Variants in CADM2 observed in about 807,000 individuals in gnomAD.
The protein encoded by CADM2 is cell adhesion molecule 2.
CADM2 carries 12 observed loss-of-function variants against 49.8 expected under a neutral mutation model. The observed-to-expected ratio is 0.24, with a 90% confidence interval of 0.15 to 0.39. The LOEUF (loss-of-function observed/expected upper bound fraction) is 0.39. Ranked by LOEUF, CADM2 falls within the 10% of genes least tolerant of loss-of-function variation. The probability of loss-of-function intolerance (pLI) is 1.00; values close to 1 mark genes in which losing one functional copy is unlikely to be tolerated. For synonymous variants in CADM2, 214 were observed against 175.4 expected (o/e 1.22, Z -1.74); for missense variants, 378 against 492.3 (o/e 0.77, Z 2.20).
At chr3:85,277,448 T>A (rs917206725) in intron 1 of CADM2, among the ~76,000 whole-genome samples, 1 of 151,446 alleles carries the variant, frequency 6.6e-6, no homozygotes, top group Non-Finnish European at 1.5e-5. Context: ...ACTTATATAA[T>A]ACCCAGCCAG....
At chr3:84,963,237 G>A (rs775440634) in intron 1 of CADM2, among the ~76,000 whole-genome samples, 6 of 152,134 alleles carry the variant, frequency 3.9e-5, no homozygotes, top group Non-Finnish European at 7.4e-5. Flanking sequence ...ACACATTACA[G>A]AAATGAATTT....
chr3:85,117,967 T>A (rs754529574), intron 1 of CADM2, among the ~76,000 whole-genome samples: 5 of 152,172 alleles, frequency 3.3e-5, no homozygotes, highest in Non-Finnish European at 7.3e-5. Context: ...CTCAACTTTG[T>A]TTCCCATGCG....
At chr3:85,900,802 C>CA (rs1178973924) in intron 5 of CADM2, among the ~76,000 whole-genome samples, 3 of 151,978 alleles carry the variant, frequency 2.0e-5, no homozygotes, top group African/African-American at 4.8e-5. Flanking sequence ...AGGTTATTTC[C>CA]AAAAAATATT....
At chr3:85,448,675 A>T (rs1329676222) in intron 1 of CADM2, among the ~76,000 whole-genome samples, 1 of 152,034 alleles carries the variant, frequency 6.6e-6, no homozygotes, top group Non-Finnish European at 1.5e-5. Flanking sequence ...GACTTTGACA[A>T]AGTTACTTAA....
chr3:85,954,361 A>G (rs1723793046), intron 7 of CADM2, among the ~76,000 whole-genome samples: 1 of 151,194 alleles, frequency 6.6e-6, no homozygotes, highest in Non-Finnish European at 1.5e-5. Context: ...TGTAATGATC[A>G]CTGCAATAAA....
intron 1 of CADM2, among the ~76,000 whole-genome samples, chr3:85,499,552 GTAT>G (rs879422931): frequency 2.0e-4 from 31 of 151,250 alleles, no homozygotes; most frequent in South Asian, 4.2e-4. Flanking sequence ...TAATATTAAT[GTAT>G]TATTAAATAA....
At chr3:85,845,875 G>C (rs958908334) in intron 3 of CADM2, among the ~76,000 whole-genome samples, 1 of 152,128 alleles carries the variant, frequency 6.6e-6, no homozygotes, top group Non-Finnish European at 1.5e-5. Flanking sequence ...GGGAAGCTTT[G>C]GTGGTGGTGG....
intron 5 of CADM2, among the ~76,000 whole-genome samples, chr3:85,903,021 T>A (rs1716325678): frequency 6.6e-6 from 1 of 152,086 alleles, no homozygotes; most frequent in African/African-American, 2.4e-5. Context: ...TGTTTTTAAT[T>A]CTCCTAATTT....
intron 7 of CADM2, among the ~76,000 whole-genome samples, chr3:85,946,022 A>C (rs1722645955): frequency 6.6e-6 from 1 of 152,158 alleles, no homozygotes; most frequent in African/African-American, 2.4e-5. Flanking sequence ...TTGTATATCT[A>C]GAAAACCCCA....
At chr3:85,269,676 T>A (rs965364496) in intron 1 of CADM2, among the ~76,000 whole-genome samples, 1 of 151,374 alleles carries the variant, frequency 6.6e-6, no homozygotes, top group African/African-American at 2.4e-5. Flanking sequence ...GTCTCTCAGA[T>A]CACTATGTTC....
At chr3:85,205,555 A>T (rs916166527) in intron 1 of CADM2, among the ~76,000 whole-genome samples, 13 of 152,138 alleles carry the variant, frequency 8.5e-5, no homozygotes, top group Non-Finnish European at 1.5e-4. Context: ...GAGACACTAA[A>T]ATCAAAATAT....
At chr3:85,984,806 A>G (rs1001554571) in intron 8 of CADM2, among the ~76,000 whole-genome samples, 1 of 152,032 alleles carries the variant, frequency 6.6e-6, no homozygotes, top group Non-Finnish European at 1.5e-5. Flanking sequence ...ATATAGATTT[A>G]GTTTTACATC....
chr3:85,116,064 C>T (rs368851883), intron 1 of CADM2, among the ~76,000 whole-genome samples: 4 of 152,342 alleles, frequency 2.6e-5, no homozygotes, highest in Middle Eastern at 3.4e-3. Flanking sequence ...CAGTGGCTCA[C>T]GCCTGTAATC....
chr3:85,637,615 A>AGT (rs56934959), intron 1 of CADM2, among the ~76,000 whole-genome samples: 5 of 131,582 alleles, frequency 3.8e-5, no homozygotes, highest in African/African-American at 1.2e-4. Flanking sequence ...TCTCAAAAAA[A>AGT]AAAAAAAAAA....
chr3:85,229,791 A>C (rs1425750887), intron 1 of CADM2, among the ~76,000 whole-genome samples: 1 of 152,148 alleles, frequency 6.6e-6, no homozygotes, highest in East Asian at 1.9e-4. Context: ...AAGTGTGAAC[A>C]ACCTTTCTTC....
intron 1 of CADM2, among the ~76,000 whole-genome samples, chr3:85,683,716 A>G (rs2107663040): frequency 6.6e-6 from 1 of 152,308 alleles, no homozygotes; most frequent in East Asian, 1.9e-4. Context: ...AGGAAAATAA[A>G]GTATTTTTAT....
intron 1 of CADM2, among the ~76,000 whole-genome samples, chr3:85,299,207 C>T (rs532871691): frequency 1.6e-4 from 24 of 152,074 alleles, no homozygotes; most frequent in African/African-American, 2.2e-4. Flanking sequence ...TATTTACAAA[C>T]GAATAACTAT....
intron 1 of CADM2, among the ~76,000 whole-genome samples, chr3:85,017,493 G>A (rs970002009): frequency 1.6e-4 from 24 of 152,160 alleles, no homozygotes; most frequent in African/African-American, 4.6e-4. Context: ...AGATATAAAT[G>A]TTTCTCCAGT....
At chr3:85,079,480 A>G (rs1344669853) in intron 1 of CADM2, among the ~76,000 whole-genome samples, 1 of 151,874 alleles carries the variant, frequency 6.6e-6, no homozygotes, top group South Asian at 2.1e-4. Flanking sequence ...TATTTTTCAT[A>G]GGGTTATTAA....
Sources: allele counts gnomAD v4.1 joint callset (sites outside exome capture counted in the v4.1 genomes callset), GRCh38; gene constraint gnomAD v4.1.1; transcripts MANE v1.5; gene names NCBI Gene and HGNC (gene_info 2026-07-23, HGNC 2026-07-21).